MYLK: variants seen among roughly 807,000 people sequenced by gnomAD.
MYLK encodes myosin light chain kinase, smooth muscle.
MYLK carries 106 observed loss-of-function variants against 203.4 expected under a neutral mutation model. That is an observed-to-expected ratio of 0.52 (90% confidence interval 0.45 to 0.61). MYLK has a LOEUF of 0.61. MYLK is among the 20% of genes least tolerant of loss of function. MYLK has a pLI of 0.00. For synonymous variants in MYLK, 867 were observed against 959.5 expected (o/e 0.90, Z 1.78); for missense variants, 2,072 against 2,442.3 (o/e 0.85, Z 3.20).
chr3:123,705,363 C>CTGCA (rs2061422935), intron 16 of MYLK, among the ~76,000 whole-genome samples: 1 of 152,192 alleles, frequency 6.6e-6, no homozygotes, highest in Non-Finnish European at 1.5e-5. Context: ...GAGGCAAAGG[C>CTGCA]TGCAGGCTGG....
At chr3:123,667,581 G>A (rs2059780018) in intron 20 of MYLK, among the ~76,000 whole-genome samples, 1 of 151,306 alleles carries the variant, frequency 6.6e-6, no homozygotes, top group African/African-American at 2.4e-5. Flanking sequence ...TCCAGCCTGG[G>A]TGACAGAGTG....
chr3:123,709,134 ATTTTTTT>A (rs1161776768), intron 14 of MYLK: 17 of 171,828 alleles, frequency 9.9e-5, no homozygotes, highest in East Asian at 2.7e-4. Flanking sequence ...TTCTCACATA[ATTTTTTT>A]TTTTTTTTTT....
intron 2 of MYLK, among the ~76,000 whole-genome samples, chr3:123,866,006 C>G (rs76841243): frequency 0.02 from 3,036 of 152,236 alleles, 89 homozygotes; most frequent in African/African-American, 0.068. Flanking sequence ...CCCAGCTGAG[C>G]CCAGCCTTCA....
chr3:123,740,088 G>GA, intron 5 of MYLK, 87 bp from the exon 6 acceptor site: 1 of 1,301,960 alleles, frequency 7.7e-7, no homozygotes, highest in South Asian at 1.2e-5. Flanking sequence ...GGGTGGGTGG[G>GA]ATAGTGATGG....
chr3:123,826,524 G>A (rs2066125367), intron 3 of MYLK, among the ~76,000 whole-genome samples: 1 of 152,206 alleles, frequency 6.6e-6, no homozygotes. Flanking sequence ...GTCCAGCCAA[G>A]TGGACTTCTG....
intron 19 of MYLK, among the ~76,000 whole-genome samples, chr3:123,685,318 C>T (rs764298811): frequency 4.6e-5 from 7 of 152,162 alleles, no homozygotes; most frequent in Non-Finnish European, 1.0e-4. Context: ...ATCAGCCCAG[C>T]GTGGTGGCTC....
At chr3:123,848,173 G>T (rs1336252707) in intron 2 of MYLK, among the ~76,000 whole-genome samples, 4 of 150,968 alleles carry the variant, frequency 2.6e-5, no homozygotes, top group African/African-American at 9.7e-5. Context: ...TCAGAGTATA[G>T]GTTTTTGATG....
At chr3:123,868,008 G>A (rs888460321) in intron 2 of MYLK, among the ~76,000 whole-genome samples, 1 of 152,208 alleles carries the variant, frequency 6.6e-6, no homozygotes, top group Admixed American at 6.5e-5. Context: ...CCTATGTCTT[G>A]CTGTAGGCAC....
At chr3:123,868,123 C>T (rs546187749) in intron 2 of MYLK, among the ~76,000 whole-genome samples, 2 of 152,294 alleles carry the variant, frequency 1.3e-5, no homozygotes, top group East Asian at 3.9e-4. Flanking sequence ...GGTATATGCC[C>T]TCTGATGGGC....
At position 123,707,885 on chromosome 3, in the gene MYLK, G is replaced by A. The variant is rs761513255; in HGVS notation, c.2259C>T (p.His753=). 6.2e-7 allele frequency: 1 copy of A among 1,614,266 alleles called. No individual in the cohort carries two copies. Among genetic ancestry groups the A allele is most frequent in the South Asian group, 1.1e-5 (1 of 91,074 alleles). Residue 753 remains histidine (H), a synonymous_variant, in exon 16 of 34, where the codon CAC becomes CAT. Transcript: ENST00000360304. ...AGAGGGCTTTGCCATCTCTGAGCCA[G>A]TGCACGGTAGGAAAGGGGTCACCAG... ...AIAGDPFPTV[H]WLRDGKALCK...
At position 123,834,571 on chromosome 3, in the gene MYLK, G is replaced by A. The variant is rs187420268; in HGVS notation, c.-126-2901C>T. On this transcript the variant is annotated intron_variant, in intron 2 of 33. Coordinates refer to ENST00000360304, the MANE Select transcript of MYLK (RefSeq NM_053025.4). ...CAGGTTGCACGGGGTTAAGGGTTAG[G>A]GGGATTGAGGGAGCATTGGGATGCG... Among the ~76,000 whole-genome samples, 791 of 152,066 alleles carry A rather than the reference G, an allele frequency of 5.2e-3. 7 individuals are homozygous for A. Among genetic ancestry groups the A allele is most frequent in the African/African-American group, 0.018 (758 of 41,478 alleles).
chr3:123,681,103 A>C (rs189084880), intron 20 of MYLK: 1 of 152,216 alleles, frequency 6.6e-6, no homozygotes, highest in Non-Finnish European at 1.5e-5. Flanking sequence ...AAAGATGAAT[A>C]TATTCATGTC....
intron 4 of MYLK, among the ~76,000 whole-genome samples, chr3:123,771,726 T>G (rs565559667): frequency 1.3e-5 from 2 of 152,346 alleles, no homozygotes; most frequent in African/African-American, 4.8e-5. Flanking sequence ...AGTGACTCCA[T>G]CAAACATCAT....
At chr3:123,660,236 T>C (rs1576461644) in intron 23 of MYLK, among the ~76,000 whole-genome samples, 1 of 152,198 alleles carries the variant, frequency 6.6e-6, no homozygotes, top group East Asian at 1.9e-4. Flanking sequence ...GGCTCAAGAC[T>C]TTCCAGGCTA....
At position 123,677,461 on chromosome 3, in the gene MYLK, AGTCCG is replaced by A. The variant is rs375377225; in HGVS notation, c.3652+4758_3652+4762del. Among the ~76,000 whole-genome samples the A allele has an allele frequency of 5.5e-3, 840 of 152,258 alleles. 9 individuals are homozygous for A. The highest frequency in any genetic ancestry group is 0.019 in the African/African-American group (799 of 41,548). ...CTGATCATAGTAAGTTGGCACCTGG[AGTCCG>A]ACAGGAGTATTTCTGTCTCCCCATG... is the stretch of plus-strand genomic sequence containing the variant. On this transcript the variant is annotated intron_variant, in intron 20 of 33. Transcript: ENST00000360304.
chr3:123,683,162 AGC>A (rs1424829234), intron 19 of MYLK, among the ~76,000 whole-genome samples: 1 of 152,142 alleles, frequency 6.6e-6, no homozygotes, highest in Non-Finnish European at 1.5e-5. Context: ...ACTGGGCCCC[AGC>A]ACTTTCACTG....
chr3:123,832,526 G>A (rs764199373), intron 2 of MYLK, among the ~76,000 whole-genome samples: 2 of 152,148 alleles, frequency 1.3e-5, no homozygotes, highest in Non-Finnish European at 2.9e-5. Flanking sequence ...AATGTTTTCT[G>A]TTCCCTCCCA....
Position 123,640,237 on chromosome 3 carries a change from G to A in MYLK, c.4837+50C>T, listed in dbSNP as rs375498860. The A allele has an allele frequency of 6.7e-5, 102 of 1,517,924 alleles. No individual in the cohort carries two copies. The African/African-American group carries it at 1.1e-3, about 16-fold the overall frequency. The allele number at this position is 1,517,924 out of a possible 1,614,324, so 94.0% of individuals were successfully genotyped here. The stretch of plus-strand genomic sequence containing the variant: ...TCTCACACTCAGTGTGAGAGGAAAC[G>A]GCCAGTGCAATACACACTGGTGTCC... On this transcript the variant is annotated intron_variant, in intron 28 of 33. Transcript: ENST00000360304. This position sits in a 1 kb window ranked among gnomAD's most constrained non-coding sequence, Gnocchi z 4.3.
intron 8 of MYLK, 80 bp from the exon 9 acceptor site, chr3:123,735,496 A>G (rs2062643972): frequency 1.3e-6 from 2 of 1,537,738 alleles, no homozygotes; most frequent in East Asian, 4.5e-5. Context: ...GCACTTCCTC[A>G]TCACCGTGGT....
Sources: gnomAD v4.1 joint callset for allele counts (sites outside exome capture counted in the v4.1 genomes callset) on GRCh38, gnomAD v4.1.1 for gene constraint, Gnocchi (gnomAD v3.1) non-coding constraint, MANE v1.5 for transcripts, NCBI Gene and HGNC (gene_info 2026-07-23, HGNC 2026-07-21) for gene names.